BRWD1: variants seen among roughly 807,000 people sequenced by gnomAD.
The protein encoded by BRWD1 is bromodomain and WD repeat domain containing 1, also known as bromodomain and WD repeat-containing protein 1.
BRWD1 carries 82 observed loss-of-function variants against 251.2 expected under a neutral mutation model. That is an observed-to-expected ratio of 0.33 (90% CI 0.27 to 0.39). The LOEUF (loss-of-function observed/expected upper bound fraction) is 0.39. BRWD1 is among the 10% of genes least tolerant of loss of function. BRWD1 has a pLI of 1.00. For missense variants in BRWD1, 2,233 were observed against 2,711.6 expected, an observed-to-expected ratio of 0.82 and a Z score of 3.92; for synonymous variants, 918 against 902.8, an observed-to-expected ratio of 1.02 and a Z score of -0.30.
rs1368364546 is a variant in BRWD1 at position 39,236,747 on chromosome 21, C to T, written c.2614G>A (p.Ala872Thr). ...AAAGGAGGCTGCAAATTGATGCCCG[C>T]ATCAGCTGTCCAATCGGAATATCTA... ...SSRYSDWTAD[A>T]GINLQPPLRT... The change falls in exon 23 of 41, where the codon GCG becomes ACG. Residue 872 changes from alanine (A) to threonine (T), a missense_variant. Transcript: ENST00000342449. 6.2e-7 allele frequency: 1 copy of T among 1,613,986 alleles called. No homozygotes were observed. Among genetic ancestry groups the T allele is most frequent in the Non-Finnish European group, 8.5e-7 (1 of 1,179,996 alleles).
chr21:39,251,926 C>T (rs755344831), intron 19 of BRWD1, among the ~76,000 whole-genome samples: 29 of 152,094 alleles, frequency 1.9e-4, no homozygotes, highest in Non-Finnish European at 3.2e-4. Context: ...ATGAGATGGT[C>T]AGCTAAGAAA....
In BRWD1 at chr21:39,218,538, T is replaced by A. The variant is rs2146518434; in HGVS notation, c.3505A>T (p.Ile1169Phe). Residue 1169 changes from isoleucine (I) to phenylalanine (F), a missense_variant, in exon 30 of 41, where the codon ATT becomes TTT. Around this residue, in one of 12 missense-constraint regions of BRWD1, gnomAD observed 139 missense variants for 272.8 expected, o/e 0.51. Transcript: ENST00000342449. ...AAAAGTTGATCTATACCACTGATAA[T>A]TCTATCACATTCTTCATCTCTTGAT... Reference protein sequence around the residue: ...QKSRDEECDRIISGIDQLLNL... With the variant: ...QKSRDEECDRFISGIDQLLNL... The A allele has an allele frequency of 6.2e-7, 1 of 1,609,680 alleles. No homozygotes were observed. The highest frequency in any genetic ancestry group is 8.5e-7 in the Non-Finnish European group (1 of 1,179,000).
At chr21:39,264,353 CA>C (rs1568929513) in intron 17 of BRWD1, 106 bp downstream of exon 17, 1 of 719,964 alleles carries the variant, frequency 1.4e-6, no homozygotes. Context: ...ACAAATATTG[CA>C]AAATATTAAT....
At chr21:39,274,542 A>G in intron 12 of BRWD1, 70 bp from the exon 13 acceptor site, 1 of 1,208,320 alleles carries the variant, frequency 8.3e-7, no homozygotes, top group Non-Finnish European at 1.2e-6. Context: ...TTAAAATCAC[A>G]TGCAAAAAAA....
chr21:39,275,679 A>G (rs989093542), intron 12 of BRWD1, among the ~76,000 whole-genome samples: 3 of 152,206 alleles, frequency 2.0e-5, no homozygotes, highest in African/African-American at 7.2e-5. Flanking sequence ...ATGTAAATAT[A>G]TATTAAAACA....
intron 29 of BRWD1, among the ~76,000 whole-genome samples, chr21:39,220,831 G>C (rs889085540): frequency 6.6e-6 from 1 of 151,990 alleles, no homozygotes; most frequent in African/African-American, 2.4e-5. Flanking sequence ...AAGATATTCC[G>C]AAAGAAAATA....
chr21:39,298,312 T>C, intron 5 of BRWD1, 120 bp downstream of exon 5: 2 of 1,363,752 alleles, frequency 1.5e-6, no homozygotes, highest in Non-Finnish European at 1.9e-6. Flanking sequence ...AATTTTATAG[T>C]CCACAGCATG....
intron 38 of BRWD1, chr21:39,200,591 A>G (rs575958871): frequency 4.5e-5 from 17 of 377,712 alleles, no homozygotes; most frequent in Non-Finnish European, 7.9e-5. Flanking sequence ...CAGCATTCCA[A>G]ATAGTTTTTA....
At chr21:39,197,497 A>AT in intron 40 of BRWD1, 82 bp from the exon 41 acceptor site, 1 of 1,161,062 alleles carries the variant, frequency 8.6e-7, no homozygotes, top group Non-Finnish European at 1.2e-6. Context: ...CAAGTTCAGA[A>AT]TTCGTATTAA....
chr21:39,301,096 G>A (rs1471220525), intron 4 of BRWD1, among the ~76,000 whole-genome samples: 15 of 151,396 alleles, frequency 9.9e-5, no homozygotes, highest in African/African-American at 3.4e-4. Context: ...GGAGAATGGC[G>A]TGAACCCAGG....
chr21:39,235,701 T>C (rs1030635945), intron 23 of BRWD1: 8 of 202,166 alleles, frequency 4.0e-5, no homozygotes, highest in East Asian at 1.3e-4. Context: ...AGGAGGTAAA[T>C]TGCCTTGAAC....
At chr21:39,314,698 G>C (rs1369881149), upstream of BRWD1, 2 of 258,270 alleles carry the variant, frequency 7.7e-6, no homozygotes, top group African/African-American at 4.6e-5. Flanking sequence ...TGGAATGCGC[G>C]TTAACAATTC....
intron 18 of BRWD1, 37 bp downstream of exon 18, chr21:39,258,450 G>A (rs1165902870): frequency 6.8e-7 from 1 of 1,473,964 alleles, no homozygotes; most frequent in East Asian, 2.4e-5. Context: ...TTTCAATGCA[G>A]CCATATTCAG....
In BRWD1 at chr21:39,218,183, T is replaced by A; in HGVS notation, c.3628A>T (p.Ile1210Phe). 6.2e-7 allele frequency: 1 copy of A among 1,609,928 alleles called. No homozygotes were observed. Among genetic ancestry groups the A allele is most frequent in the Non-Finnish European group, 8.5e-7 (1 of 1,179,010 alleles). Residue 1210 changes from isoleucine (I) to phenylalanine (F), a missense_variant, in exon 31 of 41, where the codon ATT (isoleucine) becomes TTT (phenylalanine). Physicochemically the swap from Ile to Phe is conservative, Grantham distance 21. Transcript: ENST00000342449. ...AATCGATTAACAAGTCTCATTCGAA[T>A]TGTGTAAAGATCGGTTGGATAAGCT... Reference protein sequence around the residue: ...VVAYPTDLYTIRMRLVNRFYR... With the variant: ...VVAYPTDLYTFRMRLVNRFYR...
rs951552986 is a variant in BRWD1 at position 39,185,885 on chromosome 21, A to C, written c.*10374T>G. The C allele has an allele frequency of 6.6e-6, 1 of 152,232 alleles. No individual in the cohort carries two copies. The allele number at this position is 152,232 out of a possible 1,614,324, so 9.4% of individuals were successfully genotyped here. On this transcript the variant is annotated 3_prime_UTR_variant, in exon 41 of 41. Coordinates refer to ENST00000342449, the MANE Select transcript of BRWD1 (RefSeq NM_033656.4). ...CACGTTACTATGTTAAAAAGATGCG[A>C]CAGTATATTCATTTAATCTGGCAAT...
rs1292320171 is a variant in BRWD1 at position 39,186,252 on chromosome 21, G to GT, written c.*10006dup. The stretch of plus-strand genomic sequence containing the variant: ...TTTCTGTAAATGCTGCTACATACAA[G>GT]TAAAAATAAGGAAAAGCCGTGATAG... On this transcript the variant is annotated 3_prime_UTR_variant, in exon 41 of 41. Transcript: ENST00000342449. The GT allele has an allele frequency of 6.6e-6, 1 of 152,070 alleles. No individual in the cohort carries two copies. The highest frequency in any genetic ancestry group is 2.4e-5 in the African/African-American group (1 of 41,402). 9.4% of individuals were successfully genotyped at this position (152,070 alleles called of 1,614,324 possible). A position where few individuals can be genotyped will look rare whatever the true frequency, so the allele number is the denominator to read the frequency against.
chr21:39,308,302 T>C (rs2036354968), intron 4 of BRWD1, among the ~76,000 whole-genome samples: 1 of 151,952 alleles, frequency 6.6e-6, no homozygotes, highest in Non-Finnish European at 1.5e-5. Context: ...GCCAACATGG[T>C]GAAACCCCGT....
intron 17 of BRWD1, among the ~76,000 whole-genome samples, chr21:39,263,386 A>C (rs1051022444): frequency 2.6e-5 from 4 of 152,226 alleles, no homozygotes; most frequent in Non-Finnish European, 5.9e-5. Context: ...GAAAAGTACA[A>C]GACAAACCTG....
chr21:39,236,243 A>G (rs989037693), intron 23 of BRWD1, among the ~76,000 whole-genome samples: 14 of 151,934 alleles, frequency 9.2e-5, no homozygotes, highest in African/African-American at 3.4e-4. Context: ...CCTCCCCCAT[A>G]AGTCCCACTA....
Sources: gnomAD v4.1 joint callset for allele counts (sites outside exome capture counted in the v4.1 genomes callset) on GRCh38, gnomAD v4.1.1 for gene constraint, gnomAD v4.1.1 regional missense constraint, MANE v1.5 for transcripts, NCBI Gene and HGNC (gene_info 2026-07-23, HGNC 2026-07-21) for gene names.